ARHGAP15: variants seen among roughly 807,000 people sequenced by gnomAD.
ARHGAP15 encodes Rho GTPase activating protein 15, also known as rho GTPase-activating protein 15.
Under a neutral mutation model 63.7 loss-of-function variants are expected in ARHGAP15, and 51 were observed. That is an observed-to-expected ratio of 0.80 (90% CI 0.64 to 1.01). ARHGAP15 has a LOEUF of 1.01. Ranked by LOEUF, ARHGAP15 falls within the 50% of genes least tolerant of loss-of-function variation. ARHGAP15 has a pLI of 0.00. For synonymous variants in ARHGAP15, 191 were observed against 193.8 expected, an observed-to-expected ratio of 0.99 and a Z score of 0.12; for missense variants, 560 against 564.6, an observed-to-expected ratio of 0.99 and a Z score of 0.08.
At chr2:143,548,389 G>A (rs1695418893) in intron 10 of ARHGAP15, among the ~76,000 whole-genome samples, 2 of 151,196 alleles carry the variant, frequency 1.3e-5, no homozygotes, top group South Asian at 4.2e-4. Context: ...CCTTTATTAT[G>A]TGCTCTTTCG....
chr2:143,436,016 T>A (rs1689598356), intron 7 of ARHGAP15, among the ~76,000 whole-genome samples: 1 of 152,132 alleles, frequency 6.6e-6, no homozygotes, highest in Non-Finnish European at 1.5e-5. Context: ...ATTTTCAGTT[T>A]ATGCAGTCCA....
chr2:143,728,753 AC>A (rs908430755), intron 13 of ARHGAP15, among the ~76,000 whole-genome samples: 2 of 152,094 alleles, frequency 1.3e-5, no homozygotes, highest in African/African-American at 4.8e-5. Flanking sequence ...GCCTTCAGGG[AC>A]CCCGGTCTAG....
intron 6 of ARHGAP15, among the ~76,000 whole-genome samples, chr2:143,415,502 T>G (rs1442817161): frequency 1.3e-5 from 2 of 152,120 alleles, no homozygotes; most frequent in Admixed American, 6.5e-5. Flanking sequence ...TGAATAAGCT[T>G]ATAGAAAAAA....
intron 1 of ARHGAP15, among the ~76,000 whole-genome samples, chr2:143,153,819 T>G (rs537457631): frequency 1.2e-5 from 1 of 82,156 alleles, no homozygotes; most frequent in Non-Finnish European, 2.5e-5. Context: ...CTTCTTCTTC[T>G]TCTTCTTCTT....
intron 6 of ARHGAP15, among the ~76,000 whole-genome samples, chr2:143,384,852 A>G (rs1311707839): frequency 1.3e-5 from 2 of 152,308 alleles, no homozygotes; most frequent in Admixed American, 1.3e-4. Context: ...ACCTTACCCC[A>G]TTATGGGGGT....
At chr2:143,541,885 C>T (rs1464141232) in intron 10 of ARHGAP15, among the ~76,000 whole-genome samples, 2 of 152,304 alleles carry the variant, frequency 1.3e-5, no homozygotes, top group East Asian at 3.9e-4. Flanking sequence ...GCTGGGCGAA[C>T]CACTACTCTC....
intron 8 of ARHGAP15, among the ~76,000 whole-genome samples, chr2:143,461,566 C>G (rs1355543461): frequency 6.6e-6 from 1 of 152,066 alleles, no homozygotes; most frequent in African/African-American, 2.4e-5. Context: ...TGGTTTTACT[C>G]CCACCATTAA....
rs565482010 is a variant in ARHGAP15 at position 143,142,726 on chromosome 2, C to G, written c.-14-12751C>G. On this transcript the variant is annotated intron_variant, in intron 1 of 13. Coordinates refer to ENST00000295095, the MANE Select transcript of ARHGAP15 (RefSeq NM_018460.4). ...ATACACATACATGTGTGCATGCTCA[C>G]ACACACACAAAAACACACACAAGAA... is the stretch of plus-strand genomic sequence containing the variant. Among the ~76,000 whole-genome samples, 6 of 152,084 alleles carry G rather than the reference C, an allele frequency of 3.9e-5. No homozygotes were observed. The East Asian group carries it at 7.8e-4, about 20-fold the overall frequency.
chr2:143,676,723 C>T (rs1682842917), intron 12 of ARHGAP15: 1 of 152,000 alleles, frequency 6.6e-6, no homozygotes, highest in African/African-American at 2.4e-5. Flanking sequence ...TCACTAAACA[C>T]AGATCACTAT....
intron 3 of ARHGAP15, among the ~76,000 whole-genome samples, chr2:143,209,716 G>A (rs923517414): frequency 3.9e-5 from 6 of 152,118 alleles, no homozygotes; most frequent in Non-Finnish European, 8.8e-5. Flanking sequence ...ACAAGTGCAA[G>A]GGTCGCCAGG....
chr2:143,158,790 A>T (rs1006841891), intron 2 of ARHGAP15, among the ~76,000 whole-genome samples: 1 of 151,934 alleles, frequency 6.6e-6, no homozygotes, highest in African/African-American at 2.4e-5. Flanking sequence ...CTAAACAGAA[A>T]ATCAGACAGC....
At chr2:143,152,072 C>G (rs1412948931) in intron 1 of ARHGAP15, among the ~76,000 whole-genome samples, 2 of 151,972 alleles carry the variant, frequency 1.3e-5, no homozygotes, top group Non-Finnish European at 2.9e-5. Context: ...CACACATTCT[C>G]TTCCTCAGAG....
At chr2:143,322,762 G>A (rs78565746) in intron 6 of ARHGAP15, among the ~76,000 whole-genome samples, 2 of 152,104 alleles carry the variant, frequency 1.3e-5, no homozygotes, top group Non-Finnish European at 2.9e-5. Context: ...ATGATGCTTC[G>A]ATGTGGTACT....
chr2:143,355,310 G>A (rs559826116), intron 6 of ARHGAP15, among the ~76,000 whole-genome samples: 5 of 152,100 alleles, frequency 3.3e-5, no homozygotes, highest in South Asian at 2.1e-4. Context: ...CTAGACTTTC[G>A]GTTAACTTTT....
At chr2:143,275,732 G>A (rs568729211) in intron 6 of ARHGAP15, among the ~76,000 whole-genome samples, 4 of 152,140 alleles carry the variant, frequency 2.6e-5, no homozygotes, top group Admixed American at 1.3e-4. Context: ...CCCTGGACCC[G>A]GTAGTCCTCT....
chr2:143,442,207 T>A (rs2105108377), intron 8 of ARHGAP15, among the ~76,000 whole-genome samples: 1 of 152,304 alleles, frequency 6.6e-6, no homozygotes, highest in East Asian at 1.9e-4. Context: ...CAACTATAAG[T>A]AGGCTATGTT....
At chr2:143,611,207 C>T (rs1049019068) in intron 11 of ARHGAP15, among the ~76,000 whole-genome samples, 1 of 152,130 alleles carries the variant, frequency 6.6e-6, no homozygotes, top group Admixed American at 6.5e-5. Context: ...AAGCAGGCTG[C>T]TTATGAGCCT....
chr2:143,700,613 CTCAG>C (rs1282104517), intron 12 of ARHGAP15, among the ~76,000 whole-genome samples: 1 of 152,124 alleles, frequency 6.6e-6, no homozygotes, highest in Non-Finnish European at 1.5e-5. Flanking sequence ...TCACCAGATC[CTCAG>C]GTAAACTGTA....
chr2:143,635,971 A>C (rs1680290659), intron 12 of ARHGAP15, among the ~76,000 whole-genome samples: 1 of 152,124 alleles, frequency 6.6e-6, no homozygotes, highest in Non-Finnish European at 1.5e-5. Flanking sequence ...ATTACATATA[A>C]CACCTTTATT....
Sources: allele counts gnomAD v4.1 joint callset (sites outside exome capture counted in the v4.1 genomes callset), GRCh38; gene constraint gnomAD v4.1.1; transcripts MANE v1.5; gene names NCBI Gene and HGNC (gene_info 2026-07-23, HGNC 2026-07-21).